MAPK6: variants seen among roughly 807,000 people sequenced by gnomAD.
The protein encoded by MAPK6 is ERK-3.
MAPK6 carries 19 observed loss-of-function variants against 59.3 expected under a neutral mutation model. The observed-to-expected ratio is 0.32, with a 90% CI of 0.22 to 0.47. The LOEUF (loss-of-function observed/expected upper bound fraction) is 0.47. MAPK6 is among the 20% of genes least tolerant of loss of function. MAPK6 has a pLI of 1.00. For missense variants in MAPK6, 724 were observed against 847.9 expected (o/e 0.85, Z 1.81); for synonymous variants, 316 against 290.3 (o/e 1.09, Z -0.90).
chr15:52,053,645 T>C (rs2031863075), intron 3 of MAPK6, among the ~76,000 whole-genome samples: 2 of 143,784 alleles, frequency 1.4e-5, no homozygotes, highest in African/African-American at 5.3e-5. Flanking sequence ...ATTGATTGAT[T>C]GATTGATTTT....
At position 52,025,047 on chromosome 15, in the gene MAPK6, C is replaced by A. The variant is rs551222316; in HGVS notation, c.-632+5671C>A. On this transcript the variant is annotated intron_variant, in intron 1 of 5. Coordinates refer to ENST00000261845, the MANE Select transcript of MAPK6 (RefSeq NM_002748.4). Reference sequence around the variant, plus strand: ...GAAGCACTGCTAAACGATGCATACACCTGGGCAACATAGTGAGACCCTGTC... The same window carrying A: ...GAAGCACTGCTAAACGATGCATACAACTGGGCAACATAGTGAGACCCTGTC... Among the ~76,000 whole-genome samples the A allele has an allele frequency of 2.6e-5, 4 of 152,162 alleles. No individual in the cohort carries two copies. The South Asian group carries it at 8.3e-4, about 32-fold the overall frequency.
At chr15:51,979,229 GA>G (rs1336690914) in intron 1 of MAPK6, among the ~76,000 whole-genome samples, 3 of 150,860 alleles carry the variant, frequency 2.0e-5, no homozygotes, top group Non-Finnish European at 4.4e-5. Context: ...AAAAGAGAAA[GA>G]AAAGGAAGGA....
chr15:51,975,750 C>A (rs950651821), intron 1 of MAPK6, among the ~76,000 whole-genome samples: 2 of 151,556 alleles, frequency 1.3e-5, no homozygotes, highest in Admixed American at 1.3e-4. Context: ...AAGGAGTTGG[C>A]CTTTAGAAGG....
intron 5 of MAPK6, among the ~76,000 whole-genome samples, chr15:52,062,965 A>C (rs766470579): frequency 7.2e-5 from 11 of 152,158 alleles, no homozygotes; most frequent in Non-Finnish European, 1.3e-4. Context: ...TTTAAGAAGA[A>C]ATTTTTTTCC....
intron 3 of MAPK6, among the ~76,000 whole-genome samples, chr15:52,055,035 C>T (rs2031921121): frequency 6.6e-6 from 1 of 152,216 alleles, no homozygotes; most frequent in African/African-American, 2.4e-5. Flanking sequence ...GTGCCTTGGC[C>T]TCCCACAGTG....
chr15:52,012,999 AAAAAAAAAAAAAAAAAAAAAAATATAT>A (rs1246749150), intron 3 of MAPK6, among the ~76,000 whole-genome samples: 20 of 16,116 alleles, frequency 1.2e-3, no homozygotes, highest in East Asian at 5.7e-3. Flanking sequence ...AAAAAAAAAA[AAAAAAAAAAAAAAAAAAAAAAATATAT>A]ATATATATAT....
intron 2 of MAPK6, among the ~76,000 whole-genome samples, chr15:51,990,009 G>T (rs1053221554): frequency 1.3e-5 from 2 of 152,190 alleles, no homozygotes; most frequent in Non-Finnish European, 2.9e-5. Flanking sequence ...ATGAGGAAAA[G>T]AACACCAAAA....
At chr15:52,020,025 T>A (rs2030456784) in intron 1 of MAPK6, 1 of 152,402 alleles carries the variant, frequency 6.6e-6, no homozygotes, top group Non-Finnish European at 1.5e-5. Flanking sequence ...AGTCTTGCCA[T>A]GAATGAGGTA....
intron 1 of MAPK6, among the ~76,000 whole-genome samples, chr15:52,041,294 T>C (rs934063284): frequency 5.9e-5 from 9 of 152,168 alleles, no homozygotes; most frequent in Non-Finnish European, 8.8e-5. Flanking sequence ...CCTCCTGGGT[T>C]CAAGCCATTC....
chr15:52,004,050 G>C (rs556034722), intron 2 of MAPK6: 21 of 152,094 alleles, frequency 1.4e-4, no homozygotes, highest in African/African-American at 4.6e-4. Context: ...TTTTCCTTTT[G>C]TTCCTTTCCT....
intron 1 of MAPK6, among the ~76,000 whole-genome samples, chr15:52,024,134 G>C (rs1048085267): frequency 3.9e-5 from 6 of 152,170 alleles, no homozygotes; most frequent in African/African-American, 1.4e-4. Flanking sequence ...GTGCAAATCT[G>C]TATGCATTTA....
At chr15:52,016,053 C>CGTGT (rs1566899760), upstream of MAPK6, among the ~76,000 whole-genome samples, 1 of 36,922 alleles carries the variant, frequency 2.7e-5, no homozygotes, top group Non-Finnish European at 5.1e-5. Flanking sequence ...CAAACTCCAT[C>CGTGT]GCGCGCGCGC....
At chr15:52,001,935 C>T (rs1398484073) in intron 2 of MAPK6, among the ~76,000 whole-genome samples, 1 of 152,194 alleles carries the variant, frequency 6.6e-6, no homozygotes, top group African/African-American at 2.4e-5. Context: ...CAGAGTCTCA[C>T]TCTTTCCCAA....
chr15:52,057,621 T>A (rs1188615709), intron 3 of MAPK6, among the ~76,000 whole-genome samples: 1 of 152,122 alleles, frequency 6.6e-6, no homozygotes, highest in East Asian at 1.9e-4. Flanking sequence ...CTTGGCTTAC[T>A]GCAACCTCCT....
intron 1 of MAPK6, among the ~76,000 whole-genome samples, chr15:51,972,777 G>A (rs2057139757): frequency 6.6e-6 from 1 of 150,608 alleles, no homozygotes; most frequent in Non-Finnish European, 1.5e-5. Flanking sequence ...AGCCGAGATC[G>A]CGCCACTGCA....
chr15:52,036,167 TAAAA>T (rs1284369382), intron 1 of MAPK6, among the ~76,000 whole-genome samples: 1 of 152,136 alleles, frequency 6.6e-6, no homozygotes, highest in Non-Finnish European at 1.5e-5. Context: ...CCTTGTCTCT[TAAAA>T]AAGAAGAAAT....
chr15:52,054,539 C>T (rs2031894898), intron 3 of MAPK6, among the ~76,000 whole-genome samples: 1 of 152,098 alleles, frequency 6.6e-6, no homozygotes, highest in Admixed American at 6.6e-5. Flanking sequence ...GACCAAGTCT[C>T]AAAAGTTACA....
chr15:52,036,876 G>A (rs929295138), intron 1 of MAPK6, among the ~76,000 whole-genome samples: 3 of 150,852 alleles, frequency 2.0e-5, no homozygotes, highest in South Asian at 4.2e-4. Context: ...GAAAGTAAAG[G>A]AATAAAAGAA....
intron 2 of MAPK6, among the ~76,000 whole-genome samples, chr15:51,985,545 C>T (rs2057188297): frequency 6.6e-6 from 1 of 152,030 alleles, no homozygotes; most frequent in Non-Finnish European, 1.5e-5. Context: ...ATCCCAGCTA[C>T]TCAGGAGGCT....
Sources: gnomAD v4.1 joint callset for allele counts (sites outside exome capture counted in the v4.1 genomes callset) on GRCh38, gnomAD v4.1.1 for gene constraint, MANE v1.5 for transcripts, NCBI Gene and HGNC (gene_info 2026-07-23, HGNC 2026-07-21) for gene names.